MILR1: variants seen among roughly 807,000 people sequenced by gnomAD.
MILR1 encodes mast cell immunoglobulin like receptor 1.
A neutral mutation model predicts 18.5 loss-of-function variants in MILR1; 31 were observed. That is an observed-to-expected ratio of 1.68 (90% confidence interval 1.26 to 2.26). The LOEUF (loss-of-function observed/expected upper bound fraction) is 2.26, where lower values mean the gene tolerates loss of function less well. Among genes scored for constraint, MILR1 ranks in the 30% most tolerant of loss-of-function variants. The pLI is 0.00. For missense variants in MILR1, 257 were observed against 157.4 expected (o/e 1.63, Z -3.38); for synonymous variants, 85 against 56.2 (o/e 1.51, Z -2.30).
chr17:64,451,922 A>T (rs1465968724), intron 2 of MILR1, among the ~76,000 whole-genome samples: 1 of 150,526 alleles, frequency 6.6e-6, no homozygotes, highest in Non-Finnish European at 1.5e-5. Flanking sequence ...ACAGAGTGAG[A>T]CTCTGTCTCA....
intron 5 of MILR1, among the ~76,000 whole-genome samples, chr17:64,464,312 G>T (rs1451417049): frequency 1.4e-5 from 2 of 147,246 alleles, no homozygotes; most frequent in African/African-American, 5.0e-5. Context: ...GTTTCACCAT[G>T]TTTCCCAGGC....
intron 3 of MILR1, among the ~76,000 whole-genome samples, chr17:64,453,839 G>A (rs1208250059): frequency 6.6e-6 from 1 of 152,094 alleles, no homozygotes; most frequent in African/African-American, 2.4e-5. Context: ...TAGGGACCCT[G>A]ACTTCCTGAT....
In MILR1 at chr17:64,465,322, A is replaced by G. The variant is rs2037529038; in HGVS notation, c.764-130A>G. On this transcript the variant is annotated intron_variant, in intron 5 of 9. Transcript: ENST00000619286. ...AGTCTATAGTTTTCCTTTGTTAGACAACAGTTTGGGCCATTGGAGCAAGTC... is the reference window on the plus strand; with the variant it reads ...AGTCTATAGTTTTCCTTTGTTAGACGACAGTTTGGGCCATTGGAGCAAGTC... 2.6e-5 allele frequency: 17 copies of G among 662,308 alleles called. 1 individual carries two copies. In the South Asian group the frequency reaches 3.1e-4, roughly 12 times the overall value. The allele number at this position is 662,308 out of a possible 1,614,324, so 41.0% of individuals were successfully genotyped here. A position where few individuals can be genotyped will look rare whatever the true frequency, so the allele number is the denominator to read the frequency against.
At position 64,461,335 on chromosome 17, in the gene MILR1, C is replaced by T. The variant is rs1020805574; in HGVS notation, c.763+403C>T. Among the ~76,000 whole-genome samples, 4 of 152,056 alleles carry T rather than the reference C, an allele frequency of 2.6e-5. No individual in the cohort carries two copies. The South Asian group carries it at 8.3e-4, about 32-fold the overall frequency. On this transcript the variant is annotated intron_variant, in intron 5 of 9. Coordinates refer to ENST00000619286, the MANE Select transcript of MILR1 (RefSeq NM_001085423.2). The stretch of plus-strand genomic sequence containing the variant: ...CGATCTCGGCTCACTGCAGCTTCCG[C>T]CTCCTGGGTTCAAGCAATTCTCCTG...
chr17:64,464,180 G>GT, intron 5 of MILR1, among the ~76,000 whole-genome samples: 1 of 146,468 alleles, frequency 6.8e-6, no homozygotes. Context: ...CTGGAGTGCG[G>GT]TGGTGCAATC....
chr17:64,468,620 A>G lies in MILR1; in HGVS notation c.*339A>G. ...CGCTTTAGTAAATAAAGGGTCTCCA[A>G]GAATAAATTCATCCGAACATGCATC... On this transcript the variant is annotated 3_prime_UTR_variant, in exon 10 of 10. Coordinates refer to ENST00000619286, the MANE Select transcript of MILR1 (RefSeq NM_001085423.2). The G allele has an allele frequency of 2.7e-6, 3 of 1,131,994 alleles. No individual in the cohort carries two copies. Among genetic ancestry groups the G allele is most frequent in the Admixed American group, 4.7e-5 (1 of 21,408 alleles). The allele number at this position is 1,131,994 out of a possible 1,614,324, so 70.1% of individuals were successfully genotyped here.
intron 4 of MILR1, among the ~76,000 whole-genome samples, chr17:64,459,165 G>C (rs1169951296): frequency 8.5e-5 from 13 of 152,178 alleles, no homozygotes; most frequent in Non-Finnish European, 7.3e-5. Flanking sequence ...GTGTGCAGTG[G>C]CTCACACCTG....
At chr17:64,478,937 TA>T in the MILR1 span, among the ~76,000 whole-genome samples, 1 of 152,104 alleles carries the variant, frequency 6.6e-6, no homozygotes, top group Non-Finnish European at 1.5e-5. Flanking sequence ...TTCACCACTA[TA>T]GCAAAGTGAA....
chr17:64,484,070 G>T, the MILR1 span: 1 of 152,172 alleles, frequency 6.6e-6, no homozygotes, highest in Non-Finnish European at 1.5e-5. Context: ...CTGATACCAG[G>T]AACAGTTCCA....
downstream of MILR1, among the ~76,000 whole-genome samples, chr17:64,471,323 A>C (rs2037684375): frequency 1.3e-5 from 2 of 152,036 alleles, no homozygotes; most frequent in African/African-American, 4.8e-5. Flanking sequence ...AGTATTGTCC[A>C]CTTGAGGATT....
downstream of MILR1, among the ~76,000 whole-genome samples, chr17:64,473,324 C>G (rs2037718705): frequency 6.7e-6 from 1 of 148,546 alleles, no homozygotes; most frequent in African/African-American, 2.5e-5. Context: ...GCACTCCAGC[C>G]TGGGCGACAG....
chr17:64,473,002 A>G (rs1168214802), downstream of MILR1, among the ~76,000 whole-genome samples: 2 of 152,154 alleles, frequency 1.3e-5, no homozygotes, highest in African/African-American at 2.4e-5. Context: ...TGTGTGGTCG[A>G]CTTTTTGGCC....
chr17:64,457,198 C>T (rs931938141), intron 3 of MILR1, among the ~76,000 whole-genome samples: 3 of 152,138 alleles, frequency 2.0e-5, no homozygotes, highest in Non-Finnish European at 2.9e-5. Flanking sequence ...CTGAGAACCT[C>T]GGCTAACAAC....
chr17:64,467,363 G>A (rs370104981), intron 8 of MILR1, among the ~76,000 whole-genome samples: 31 of 151,092 alleles, frequency 2.1e-4, no homozygotes, highest in African/African-American at 3.2e-4. Flanking sequence ...TTCCTGCCTC[G>A]GCCTCCCAAA....
At chr17:64,488,640 T>C in the MILR1 span, among the ~76,000 whole-genome samples, 3 of 152,236 alleles carry the variant, frequency 2.0e-5, no homozygotes, top group Non-Finnish European at 4.4e-5. Context: ...TTAACTATGA[T>C]AATAACCAAT....
At chr17:64,464,631 T>C (rs1244416096) in intron 5 of MILR1, among the ~76,000 whole-genome samples, 2 of 152,160 alleles carry the variant, frequency 1.3e-5, no homozygotes, top group African/African-American at 4.8e-5. Flanking sequence ...GATTACTGGC[T>C]GGAGCTACAA....
At chr17:64,452,499 T>C in intron 2 of MILR1, 98 bp from the exon 3 acceptor site, 1 of 407,518 alleles carries the variant, frequency 2.5e-6, no homozygotes. Context: ...GTGATCCACC[T>C]GCCTCGGCCG....
chr17:64,452,082 G>GTTTTTTTTT (rs34558703), intron 2 of MILR1, among the ~76,000 whole-genome samples: 1 of 137,172 alleles, frequency 7.3e-6, no homozygotes, highest in Non-Finnish European at 1.6e-5. Flanking sequence ...TCCCAGCTAT[G>GTTTTTTTTT]TTTTTTTTTT....
chr17:64,494,934 G>A, the MILR1 span, among the ~76,000 whole-genome samples: 1 of 152,158 alleles, frequency 6.6e-6, no homozygotes, highest in Admixed American at 6.5e-5. Flanking sequence ...AGCACTTTGG[G>A]AGGCCGAGGC....
Sources: allele counts gnomAD v4.1 joint callset (sites outside exome capture counted in the v4.1 genomes callset), GRCh38; gene constraint gnomAD v4.1.1; transcripts MANE v1.5; gene names NCBI Gene and HGNC (gene_info 2026-07-23, HGNC 2026-07-21).